Variants in ABCA12 observed in about 807,000 individuals in gnomAD.
ABCA12 encodes the protein glucosylceramide transporter ABCA12.
Under a neutral mutation model 293.5 loss-of-function variants are expected in ABCA12, and 156 were observed. The ratio of observed to expected loss-of-function variants is 0.53; its 90% CI spans 0.47 to 0.61. The LOEUF is 0.61. Among genes scored for constraint, ABCA12 ranks in the 20% least tolerant of loss-of-function variants. The pLI is 0.00. For synonymous variants in ABCA12, 1,063 were observed against 1,108.0 expected, an observed-to-expected ratio of 0.96 and a Z score of 0.81; for missense variants, 2,797 against 3,090.2, an observed-to-expected ratio of 0.91 and a Z score of 2.25.
At chr2:215,045,367 T>C (rs1405341173) in intron 7 of ABCA12, among the ~76,000 whole-genome samples, 1 of 152,160 alleles carries the variant, frequency 6.6e-6, no homozygotes, top group Non-Finnish European at 1.5e-5. Context: ...TGACTACACA[T>C]GAGGGAGGCC....
intron 26 of ABCA12, 148 bp from the exon 27 acceptor site, chr2:214,987,941 T>C (rs1032794694): frequency 2.9e-6 from 3 of 1,042,234 alleles, no homozygotes; most frequent in African/African-American, 3.3e-5. Flanking sequence ...TCAGTTTCCA[T>C]AGTAAAGCAA....
intron 1 of ABCA12, among the ~76,000 whole-genome samples, chr2:215,116,712 G>A (rs1702693887): frequency 6.6e-6 from 1 of 152,098 alleles, no homozygotes; most frequent in African/African-American, 2.4e-5. Context: ...TATAAAATGG[G>A]ACAAAATGTC....
chr2:214,942,046 C>T (rs576537657), intron 50 of ABCA12, among the ~76,000 whole-genome samples: 155 of 152,246 alleles, frequency 1.0e-3, no homozygotes, highest in Middle Eastern at 3.4e-3. Context: ...GCAGTTTCTT[C>T]ATAGTGTTGA....
chr2:215,049,778 G>C lies in ABCA12; in HGVS notation c.541C>G (p.Arg181Gly), dbSNP rs758756716. 3 of 1,613,320 alleles carry C rather than the reference G, an allele frequency of 1.9e-6. No homozygotes were observed. The Admixed American group carries it at 5.0e-5, about 27-fold the overall frequency. The stretch of plus-strand genomic sequence containing the variant: ...GAATAGCTGTCACATAGTTCTCTTC[G>C]TATATCTTCTGAAGTTGAATTTTGC... ...LKQNSTSEDI[R>G]RELCDSYSGY... Residue 181 changes from arginine (R) to glycine (G), a missense_variant, in exon 6 of 53, where the codon CGA becomes GGA. Coordinates refer to ENST00000272895, the MANE Select transcript of ABCA12 (RefSeq NM_173076.3).
At chr2:215,137,857 G>A (rs181328827) in intron 1 of ABCA12, among the ~76,000 whole-genome samples, 8 of 150,394 alleles carry the variant, frequency 5.3e-5, no homozygotes, top group African/African-American at 1.5e-4. Flanking sequence ...AGAATTCAAC[G>A]TTCCAGTTCA....
rs528524138 is a variant in ABCA12 at position 214,988,047 on chromosome 2, A to G, written c.3830-254T>C. On this transcript the variant is annotated intron_variant, in intron 26 of 52. Coordinates refer to ENST00000272895, the MANE Select transcript of ABCA12 (RefSeq NM_173076.3). ...TACACTTATTGTAATGGAAAAAGCC[A>G]CTATTTATCTATGAAATACATGTCT... Among the ~76,000 whole-genome samples, 43 of 152,278 alleles carry G rather than the reference A, an allele frequency of 2.8e-4. No homozygotes were observed. The South Asian group carries it at 8.1e-3, about 29-fold the overall frequency.
intron 13 of ABCA12, among the ~76,000 whole-genome samples, chr2:215,018,673 T>C (rs2106012065): frequency 6.6e-6 from 1 of 152,364 alleles, no homozygotes; most frequent in East Asian, 1.9e-4. Context: ...AGGACGGTGA[T>C]TATAATTCTT....
intron 3 of ABCA12, among the ~76,000 whole-genome samples, chr2:215,063,041 A>G (rs1003304900): frequency 6.6e-6 from 1 of 152,020 alleles, no homozygotes; most frequent in Non-Finnish European, 1.5e-5. Context: ...AAATGAATGA[A>G]TGAACATCAG....
rs1201870555 is a variant in ABCA12, at chr2:215,138,126, T to A, written c.69+14A>T. The A allele has an allele frequency of 5.0e-6, 8 of 1,613,872 alleles. No individual in the cohort carries two copies. Among genetic ancestry groups the A allele is most frequent in the Non-Finnish European group, 6.8e-6 (8 of 1,179,820 alleles). ...GCCCCATGACCCATACTCCCACACTTTTTTTTAACTCACCGGCTGCCTTTT... is the reference window on the plus strand; with the variant it reads ...GCCCCATGACCCATACTCCCACACTATTTTTTAACTCACCGGCTGCCTTTT... On this transcript the variant is annotated intron_variant, in intron 1 of 52. Coordinates refer to ENST00000272895, the MANE Select transcript of ABCA12 (RefSeq NM_173076.3).
intron 26 of ABCA12, among the ~76,000 whole-genome samples, chr2:214,988,168 AACAG>A (rs1699828630): frequency 6.6e-6 from 1 of 152,186 alleles, no homozygotes; most frequent in South Asian, 2.1e-4. Flanking sequence ...CAAGGGTCCA[AACAG>A]ACATGTGTAG....
Position 214,963,605 on chromosome 2 carries a change from CAAAAAAA to C in ABCA12, c.5884+3236_5884+3242del, listed in dbSNP as rs57895778. Among the ~76,000 whole-genome samples the C allele has an allele frequency of 1.6e-3, 114 of 70,196 alleles. 1 individual carries two copies. Among genetic ancestry groups the C allele is most frequent in the African/African-American group, 5.7e-3 (101 of 17,634 alleles). The allele number at this position is 70,196 out of a possible 152,430, so 46.1% of individuals were successfully genotyped here. A position where few individuals can be genotyped will look rare whatever the true frequency, so the allele number is the denominator to read the frequency against. ...TGATACCAAAACCTGGCAGAGATAC[CAAAAAAA>C]AAAAAAAAAAAAAAAAAGAGGCTGT... is the stretch of plus-strand genomic sequence containing the variant. On this transcript the variant is annotated intron_variant, in intron 39 of 52. Coordinates refer to ENST00000272895, the MANE Select transcript of ABCA12 (RefSeq NM_173076.3).
intron 6 of ABCA12, among the ~76,000 whole-genome samples, 186 bp downstream of exon 6, chr2:215,049,440 G>A (rs1037377828): frequency 6.6e-6 from 1 of 152,092 alleles, no homozygotes; most frequent in East Asian, 1.9e-4. Context: ...CATTGAAATC[G>A]TTTCAACCTT....
At chr2:215,069,894 A>G (rs1179502355) in intron 2 of ABCA12, among the ~76,000 whole-genome samples, 1 of 152,250 alleles carries the variant, frequency 6.6e-6, no homozygotes, top group Non-Finnish European at 1.5e-5. Context: ...AAAGAAAGAA[A>G]AAACCTTACA....
chr2:214,979,381 C>T (rs1443681096), intron 31 of ABCA12, among the ~76,000 whole-genome samples: 1 of 152,078 alleles, frequency 6.6e-6, no homozygotes, highest in East Asian at 1.9e-4. Context: ...GCGATGTGTC[C>T]CATTCTCTCA....
chr2:215,055,741 A>C (rs950015051), intron 3 of ABCA12, among the ~76,000 whole-genome samples: 1 of 151,916 alleles, frequency 6.6e-6, no homozygotes, highest in African/African-American at 2.4e-5. Flanking sequence ...TTCATTCCCT[A>C]GTGTTTTTCC....
chr2:214,933,529 T>C (rs1242650853), intron 52 of ABCA12, among the ~76,000 whole-genome samples: 1 of 152,202 alleles, frequency 6.6e-6, no homozygotes, highest in African/African-American at 2.4e-5. Context: ...GGTTGAGCTG[T>C]GCAAAATTAA....
chr2:215,025,777 T>C lies in ABCA12; in HGVS notation c.1183A>G (p.Asn395Asp), dbSNP rs781706081. ...ATTGTGGACTGCAGGAGTCTTAGAT[T>C]TTCTGTAAAGGAAGGGAGAAGAGTT... The part of the protein sequence containing the change: ...TDSLARGSPE[N>D]LRLLQSTIRF... Residue 395 changes from asparagine (N) to aspartate (D), a missense_variant and splice_region_variant, in exon 11 of 53, where the codon AAT (asparagine) becomes GAT (aspartate). Around this residue, in one of 3 missense-constraint regions of ABCA12, gnomAD observed 656 missense variants for 638.2 expected, o/e 1.03. Transcript: ENST00000272895. 5 of 1,608,126 alleles carry C rather than the reference T, an allele frequency of 3.1e-6. No homozygotes were observed. Among genetic ancestry groups the C allele is most frequent in the Non-Finnish European group, 4.3e-6 (5 of 1,174,974 alleles).
chr2:214,950,537 C>T (rs1293853436), intron 45 of ABCA12, among the ~76,000 whole-genome samples: 1 of 146,740 alleles, frequency 6.8e-6, no homozygotes, highest in African/African-American at 2.5e-5. Context: ...GGCAGAATCA[C>T]TCTGTCACCC....
intron 2 of ABCA12, among the ~76,000 whole-genome samples, chr2:215,090,010 A>T (rs895505684): frequency 6.6e-6 from 1 of 152,148 alleles, no homozygotes; most frequent in African/African-American, 2.4e-5. Context: ...ACCACAAAAG[A>T]AGTGAAAATG....
Sources: allele counts gnomAD v4.1 joint callset (sites outside exome capture counted in the v4.1 genomes callset), GRCh38; gene constraint gnomAD v4.1.1; regional missense constraint gnomAD v4.1.1; transcripts MANE v1.5; gene names NCBI Gene and HGNC (gene_info 2026-07-23, HGNC 2026-07-21).